The following CUX2 variants were observed in gnomAD, a reference collection of about 807,000 sequenced individuals.
CUX2 encodes the protein cut like homeobox 2, also known as homeobox protein cut-like 2.
CUX2 carries 40 observed loss-of-function variants against 144.8 expected under a neutral mutation model. The observed-to-expected ratio is 0.28, with a 90% CI of 0.21 to 0.36. The LOEUF is 0.36. CUX2 is among the 10% of genes least tolerant of loss of function. The pLI is 1.00. For synonymous variants in CUX2, 827 were observed against 875.6 expected (o/e 0.94, Z 0.98); for missense variants, 1,615 against 1,994.0 (o/e 0.81, Z 3.62).
intron 3 of CUX2, among the ~76,000 whole-genome samples, chr12:111,240,323 G>T (rs1348209841): frequency 2.0e-5 from 3 of 152,214 alleles, no homozygotes; most frequent in Non-Finnish European, 4.4e-5. Context: ...TCCCCCACAA[G>T]GGCTAGGGTC....
intron 1 of CUX2, among the ~76,000 whole-genome samples, chr12:111,148,738 G>A (rs1485815158): frequency 2.0e-5 from 3 of 152,118 alleles, no homozygotes; most frequent in Non-Finnish European, 4.4e-5. Flanking sequence ...GCTTACACCT[G>A]TAAATCCCAG....
intron 4 of CUX2, among the ~76,000 whole-genome samples, chr12:111,279,098 C>G (rs565629320): frequency 6.6e-6 from 1 of 152,182 alleles, no homozygotes; most frequent in Admixed American, 6.5e-5. Flanking sequence ...AAATGATCAT[C>G]GTAGCTGTGT....
chr12:111,069,369 C>G (rs574305570), intron 1 of CUX2, among the ~76,000 whole-genome samples: 1 of 152,230 alleles, frequency 6.6e-6, no homozygotes, highest in South Asian at 2.1e-4. Flanking sequence ...CTCTTCCGTG[C>G]TCTTCCCCTT....
At chr12:111,219,800 A>C (rs1477497465) in intron 3 of CUX2, among the ~76,000 whole-genome samples, 1 of 152,154 alleles carries the variant, frequency 6.6e-6, no homozygotes, top group Non-Finnish European at 1.5e-5. Context: ...GAGGTGAGCT[A>C]CTTAACCTCT....
At chr12:111,159,208 G>A (rs187211953) in intron 1 of CUX2, among the ~76,000 whole-genome samples, 9 of 152,214 alleles carry the variant, frequency 5.9e-5, no homozygotes, top group African/African-American at 1.2e-4. Context: ...ATGCGGTGGC[G>A]CGATCGTAGC....
chr12:111,036,902 C>CCCCCA (rs1311982718), intron 1 of CUX2, among the ~76,000 whole-genome samples: 2 of 136,312 alleles, frequency 1.5e-5, no homozygotes, highest in Admixed American at 1.5e-4. Context: ...CAGCCCCCCA[C>CCCCCA]CCCCACCCCA....
At chr12:111,100,088 G>C (rs1050497451) in intron 1 of CUX2, 2 of 456,416 alleles carry the variant, frequency 4.4e-6, no homozygotes, top group African/African-American at 4.0e-5. Flanking sequence ...GCCTTGGACG[G>C]CTCTGGAGAG....
intron 1 of CUX2, among the ~76,000 whole-genome samples, chr12:111,038,287 A>G (rs1215034318): frequency 6.6e-6 from 1 of 152,274 alleles, no homozygotes; most frequent in Non-Finnish European, 1.5e-5. Flanking sequence ...TCATTTAACA[A>G]TGTGTCAAAA....
chr12:111,109,962 A>C (rs1473048768), intron 1 of CUX2, among the ~76,000 whole-genome samples: 3 of 152,054 alleles, frequency 2.0e-5, no homozygotes, highest in African/African-American at 7.2e-5. Context: ...TGCATCCTCC[A>C]ACTCCTAGGC....
intron 8 of CUX2, among the ~76,000 whole-genome samples, chr12:111,297,501 G>T (rs1000196578): frequency 6.6e-6 from 1 of 152,226 alleles, no homozygotes; most frequent in African/African-American, 2.4e-5. Flanking sequence ...TGGGCTGAGT[G>T]AGGGGCTGCT....
chr12:111,207,276 A>G (rs1880972541), intron 1 of CUX2, among the ~76,000 whole-genome samples: 1 of 152,244 alleles, frequency 6.6e-6, no homozygotes, highest in Non-Finnish European at 1.5e-5. Context: ...CCAAGCCTGC[A>G]CTAAAGATAA....
chr12:111,186,757 A>G lies in CUX2; in HGVS notation c.64-27443A>G, dbSNP rs553607944. 6.6e-5 allele frequency among the ~76,000 whole-genome samples: 10 copies of G among 151,342 alleles called. No individual in the cohort carries two copies. In the South Asian group the frequency reaches 1.9e-3, roughly 28 times the overall value. On this transcript the variant is annotated intron_variant, in intron 1 of 21. Transcript: ENST00000261726. This position sits in a 1 kb window ranked among gnomAD's most constrained non-coding sequence, Gnocchi z 4.4. ...GAGGGTCGCTGAGACATGTGCAGGTATTAAAATCGATATGATGTGTGTATG... is the reference window on the plus strand; with the variant it reads ...GAGGGTCGCTGAGACATGTGCAGGTGTTAAAATCGATATGATGTGTGTATG...
intron 1 of CUX2, among the ~76,000 whole-genome samples, chr12:111,053,016 G>C (rs1343862373): frequency 6.6e-6 from 1 of 151,930 alleles, no homozygotes; most frequent in Non-Finnish European, 1.5e-5. Context: ...CGGGTAGCTA[G>C]GTGCAGGGGC....
intron 1 of CUX2, among the ~76,000 whole-genome samples, chr12:111,047,508 G>C (rs1264102088): frequency 6.6e-6 from 1 of 152,086 alleles, no homozygotes; most frequent in Non-Finnish European, 1.5e-5. Flanking sequence ...CTGGGGCTAG[G>C]GCTGGAGAAT....
intron 19 of CUX2, among the ~76,000 whole-genome samples, chr12:111,335,497 G>A (rs1390866714): frequency 6.6e-6 from 1 of 152,060 alleles, no homozygotes; most frequent in Non-Finnish European, 1.5e-5. Context: ...AATCACCTCA[G>A]GTCAGGAGTT....
At chr12:111,251,701 A>G (rs1239628070) in intron 3 of CUX2, among the ~76,000 whole-genome samples, 2 of 152,190 alleles carry the variant, frequency 1.3e-5, no homozygotes, top group Non-Finnish European at 2.9e-5. Flanking sequence ...AATTACAAAT[A>G]TTAGAATAAA....
At chr12:111,175,516 C>A (rs547278865) in intron 1 of CUX2, among the ~76,000 whole-genome samples, 2 of 152,064 alleles carry the variant, frequency 1.3e-5, no homozygotes, top group South Asian at 4.1e-4. Context: ...AGAGCAGCAC[C>A]CCATGCCTTT....
At chr12:111,174,391 T>G (rs939988624) in intron 1 of CUX2, among the ~76,000 whole-genome samples, 1 of 152,212 alleles carries the variant, frequency 6.6e-6, no homozygotes, top group African/African-American at 2.4e-5. Context: ...CACCCTTCAA[T>G]CTGTGAACCC....
In CUX2 at chr12:111,246,548, C is replaced by A. The variant is rs1328867906; in HGVS notation, c.223-17213C>A. Among the ~76,000 whole-genome samples the A allele has an allele frequency of 2.6e-5, 4 of 152,192 alleles. No individual in the cohort carries two copies. The highest frequency in any genetic ancestry group is 9.6e-5 in the African/African-American group (4 of 41,454). On this transcript the variant is annotated intron_variant, in intron 3 of 21. Transcript: ENST00000261726. The surrounding 1 kb of genome is among the most constrained non-coding windows in gnomAD (Gnocchi z 4.0). ...CAATTCTTCCAGAGAAGCTGGAAATCTTGATTTTTATGCAAAAAACAAAAA... is the reference window on the plus strand; with the variant it reads ...CAATTCTTCCAGAGAAGCTGGAAATATTGATTTTTATGCAAAAAACAAAAA...
Sources: allele counts gnomAD v4.1 joint callset (sites outside exome capture counted in the v4.1 genomes callset), GRCh38; gene constraint gnomAD v4.1.1; non-coding constraint Gnocchi (gnomAD v3.1); transcripts MANE v1.5; gene names NCBI Gene and HGNC (gene_info 2026-07-23, HGNC 2026-07-21).